Variants in MVB12B observed in about 807,000 individuals in gnomAD.
MVB12B encodes the protein multivesicular body subunit 12B.
A neutral mutation model predicts 41.6 loss-of-function variants in MVB12B; 16 were observed. The ratio of observed to expected loss-of-function variants is 0.38; its 90% CI spans 0.26 to 0.58. MVB12B has a LOEUF of 0.58. Ranked by LOEUF, MVB12B falls within the 20% of genes least tolerant of loss-of-function variation. The probability of loss-of-function intolerance (pLI) is 0.62; values close to 1 mark genes in which losing one functional copy is unlikely to be tolerated. For missense variants in MVB12B, 274 were observed against 380.2 expected (o/e 0.72, Z 2.32); for synonymous variants, 133 against 139.7 (o/e 0.95, Z 0.34).
At chr9:126,348,590 A>G (rs1454426112) in intron 2 of MVB12B, among the ~76,000 whole-genome samples, 1 of 152,246 alleles carries the variant, frequency 6.6e-6, no homozygotes, top group Admixed American at 6.5e-5. Context: ...GGAAAGTGGT[A>G]GGGAACAGGC....
intron 7 of MVB12B, among the ~76,000 whole-genome samples, chr9:126,427,206 CAT>C (rs905435790): frequency 6.6e-6 from 1 of 152,034 alleles, no homozygotes; most frequent in Non-Finnish European, 1.5e-5. Context: ...ACAGCTTATA[CAT>C]ATATATATAT....
At chr9:126,390,932 A>T (rs1386642558) in intron 4 of MVB12B, among the ~76,000 whole-genome samples, 1 of 150,914 alleles carries the variant, frequency 6.6e-6, no homozygotes, top group Admixed American at 6.6e-5. Flanking sequence ...AGCCTGGGTG[A>T]CAGAGTGAGA....
intron 2 of MVB12B, among the ~76,000 whole-genome samples, chr9:126,372,232 C>T (rs184413717): frequency 1.6e-4 from 25 of 152,162 alleles, no homozygotes; most frequent in Admixed American, 1.1e-3. Flanking sequence ...CTTTTATGAC[C>T]GAATACTATT....
At chr9:126,368,674 T>TATCTTTCTAGAC (rs1830250375) in intron 2 of MVB12B, among the ~76,000 whole-genome samples, 1 of 152,234 alleles carries the variant, frequency 6.6e-6, no homozygotes, top group Non-Finnish European at 1.5e-5. Flanking sequence ...AGTTTGCAAG[T>TATCTTTCTAGAC]ATCTTTCTAG....
rs555260076 is a variant in MVB12B at position 126,433,346 on chromosome 9, C to T, written c.757+11398C>T. On this transcript the variant is annotated intron_variant, in intron 7 of 9. Transcript: ENST00000361171. ...ACACCAGGTATCCCCTTTGATACAC[C>T]AGGTATCAAAGAACCTCTGCCTTCA... Among the ~76,000 whole-genome samples, 73 of 152,196 alleles carry T rather than the reference C, an allele frequency of 4.8e-4. 1 individual carries two copies. Among genetic ancestry groups the T allele is most frequent in the African/African-American group, 1.7e-3 (72 of 41,510 alleles).
Position 126,391,511 on chromosome 9 carries a change from T to C in MVB12B, c.410-555T>C, listed in dbSNP as rs748707224. ...GGTCTTTAAAGAACAGTGTCCTGGA[T>C]GCCTACTGAGGTATTGATGGTGACA... On this transcript the variant is annotated intron_variant, in intron 4 of 9. Coordinates refer to ENST00000361171, the MANE Select transcript of MVB12B (RefSeq NM_033446.3). The surrounding 1 kb of genome is among the most constrained non-coding windows in gnomAD (Gnocchi z 4.4). Among the ~76,000 whole-genome samples the C allele has an allele frequency of 6.6e-6, 1 of 152,220 alleles. No homozygotes were observed.
At chr9:126,495,098 G>A (rs984702107) in intron 9 of MVB12B, among the ~76,000 whole-genome samples, 15 of 151,666 alleles carry the variant, frequency 9.9e-5, no homozygotes, top group Admixed American at 1.3e-4. Flanking sequence ...AGGCCAAGGT[G>A]TGAGGATCAC....
chr9:126,425,373 A>C (rs910226668), intron 7 of MVB12B, among the ~76,000 whole-genome samples: 9 of 152,146 alleles, frequency 5.9e-5, no homozygotes, highest in African/African-American at 2.2e-4. Flanking sequence ...TTTTCTTGGG[A>C]CTTTCATCTT....
chr9:126,392,205 A>C lies in MVB12B; in HGVS notation c.539+10A>C. 1 of 1,613,994 alleles carries C rather than the reference A, an allele frequency of 6.2e-7. No individual in the cohort carries two copies. Among genetic ancestry groups the C allele is most frequent in the Non-Finnish European group, 8.5e-7 (1 of 1,179,906 alleles). The stretch of plus-strand genomic sequence containing the variant: ...AGTACACGTTTATTGGGTGAGTCTT[A>C]ATAACAGGACTGTCAGCTGCTTCTC... On this transcript the variant is annotated intron_variant, in intron 5 of 9. Coordinates refer to ENST00000361171, the MANE Select transcript of MVB12B (RefSeq NM_033446.3). The surrounding 1 kb of genome is among the most constrained non-coding windows in gnomAD (Gnocchi z 4.8).
chr9:126,397,079 T>G, intron 6 of MVB12B: 1 of 985,534 alleles, frequency 1.0e-6, no homozygotes, highest in Non-Finnish European at 1.2e-6. Context: ...TCACCTGTGC[T>G]GAGGCCCATC....
In MVB12B at chr9:126,454,514, C is replaced by T. The variant is rs1832941976; in HGVS notation, c.758-26855C>T. On this transcript the variant is annotated intron_variant, in intron 7 of 9. Transcript: ENST00000361171. ...CTCAGTAAGCGGGACACCCAGGTGG[C>T]CTGGGGCTGGGCGAGTAGAAAGGTG... is the stretch of plus-strand genomic sequence containing the variant. 2.0e-5 allele frequency among the ~76,000 whole-genome samples: 3 copies of T among 152,224 alleles called. No individual in the cohort carries two copies. The South Asian group carries it at 6.2e-4, about 32-fold the overall frequency.
chr9:126,329,405 T>C (rs913477325), intron 1 of MVB12B, among the ~76,000 whole-genome samples: 11 of 152,222 alleles, frequency 7.2e-5, no homozygotes, highest in African/African-American at 2.2e-4. Flanking sequence ...GGTGTTTTTT[T>C]CAGGTCCGAT....
At chr9:126,342,241 G>A (rs115147552) in intron 2 of MVB12B, among the ~76,000 whole-genome samples, 3 of 152,138 alleles carry the variant, frequency 2.0e-5, no homozygotes, top group East Asian at 1.9e-4. Flanking sequence ...CTCAGGGGTC[G>A]CTCTCCTAGG....
At chr9:126,357,467 G>A (rs1829913182) in intron 2 of MVB12B, among the ~76,000 whole-genome samples, 1 of 152,196 alleles carries the variant, frequency 6.6e-6, no homozygotes, top group East Asian at 1.9e-4. Flanking sequence ...TATCCCAGCA[G>A]CCGAGCATCT....
chr9:126,376,441 T>TTAAGATGGAGGCACCAGC lies in MVB12B; in HGVS notation c.205-4621_205-4604dup. On this transcript the variant is annotated intron_variant, in intron 2 of 9. Transcript: ENST00000361171. This position sits in a 1 kb window ranked among gnomAD's most constrained non-coding sequence, Gnocchi z 4.1. The stretch of plus-strand genomic sequence containing the variant: ...GTGACCCTTTGTTGTGGGTTGGGAT[T>TTAAGATGGAGGCACCAGC]TAAGATGGAGGCACCAGCTCATGGG... 8.4e-7 allele frequency: 1 copy of TTAAGATGGAGGCACCAGC among 1,191,100 alleles called. No homozygotes were observed. 73.8% of individuals were successfully genotyped at this position (1,191,100 alleles called of 1,614,324 possible). A position where few individuals can be genotyped will look rare whatever the true frequency, so the allele number is the denominator to read the frequency against.
intron 2 of MVB12B, among the ~76,000 whole-genome samples, chr9:126,363,761 G>GC (rs1830089423): frequency 6.6e-6 from 1 of 152,058 alleles, no homozygotes; most frequent in Admixed American, 6.5e-5. Context: ...TTCTCATTCT[G>GC]CCCCCACTCA....
chr9:126,353,293 C>T (rs114780607), intron 2 of MVB12B, among the ~76,000 whole-genome samples: 114 of 152,324 alleles, frequency 7.5e-4, no homozygotes, highest in African/African-American at 2.7e-3. Context: ...TGTATAAATA[C>T]ACTCTCACTG....
rs75197006 is a variant in MVB12B, at chr9:126,454,432, A to G, written c.758-26937A>G. ...TTGATTTTTTTGTTAATGGGAAGAA[A>G]TGTTTCCTGTGTAGGCATTGTTTAC... On this transcript the variant is annotated intron_variant, in intron 7 of 9. Transcript: ENST00000361171. Among the ~76,000 whole-genome samples the G allele has an allele frequency of 3.9e-5, 6 of 152,318 alleles. No homozygotes were observed. The East Asian group carries it at 7.7e-4, about 20-fold the overall frequency.
At chr9:126,397,075 G>A in intron 6 of MVB12B, 1 of 985,530 alleles carries the variant, frequency 1.0e-6, no homozygotes, top group Non-Finnish European at 1.2e-6. Flanking sequence ...TCCATCACCT[G>A]TGCTGAGGCC....
Sources: gnomAD v4.1 joint callset for allele counts (sites outside exome capture counted in the v4.1 genomes callset) on GRCh38, gnomAD v4.1.1 for gene constraint, Gnocchi (gnomAD v3.1) non-coding constraint, MANE v1.5 for transcripts, NCBI Gene and HGNC (gene_info 2026-07-23, HGNC 2026-07-21) for gene names.